ESRRG: variants seen among roughly 807,000 people sequenced by gnomAD.
The protein encoded by ESRRG is estrogen related receptor gamma, also known as estrogen-related receptor gamma.
In ESRRG, 13 loss-of-function variants were observed where a neutral mutation model predicts 44.0. The ratio of observed to expected loss-of-function variants is 0.30; its 90% CI spans 0.19 to 0.47. The LOEUF (loss-of-function observed/expected upper bound fraction) is 0.47. ESRRG is among the 20% of genes least tolerant of loss of function. ESRRG has a pLI of 1.00. For missense variants in ESRRG, 395 were observed against 580.6 expected (o/e 0.68, Z 3.29); for synonymous variants, 215 against 214.6 (o/e 1.00, Z -0.02).
intron 2 of ESRRG, among the ~76,000 whole-genome samples, chr1:216,839,557 T>TA (rs2095618647): frequency 3.3e-5 from 5 of 152,368 alleles, no homozygotes; most frequent in Admixed American, 2.6e-4. Flanking sequence ...TATAGCATTA[T>TA]AAAAGGCATT....
intron 5 of ESRRG, among the ~76,000 whole-genome samples, chr1:216,533,154 GTA>G (rs1281589216): frequency 6.6e-6 from 1 of 151,984 alleles, no homozygotes; most frequent in East Asian, 1.9e-4. Context: ...ACATCCATGT[GTA>G]TAAATACTAA....
chr1:217,069,372 C>A (rs1294159235), intron 1 of ESRRG, among the ~76,000 whole-genome samples: 1 of 151,232 alleles, frequency 6.6e-6, no homozygotes, highest in Non-Finnish European at 1.5e-5. Context: ...AGTAAACTAC[C>A]CTTTGTATAT....
At chr1:216,578,078 C>T (rs2062021783) in intron 3 of ESRRG, among the ~76,000 whole-genome samples, 2 of 151,542 alleles carry the variant, frequency 1.3e-5, no homozygotes, top group East Asian at 1.9e-4. Flanking sequence ...TATAACTTGG[C>T]AAAGTTGAAA....
At chr1:216,669,568 C>A (rs1216668274) in intron 2 of ESRRG, among the ~76,000 whole-genome samples, 1 of 152,202 alleles carries the variant, frequency 6.6e-6, no homozygotes, top group Non-Finnish European at 1.5e-5. Context: ...GTGGAAAAGT[C>A]AAACTTACAA....
rs547936608 is a variant in ESRRG, at chr1:216,801,405, C to T, written c.-13-123914G>A. Among the ~76,000 whole-genome samples, 4 of 152,214 alleles carry T rather than the reference C, an allele frequency of 2.6e-5. No individual in the cohort carries two copies. The East Asian group carries it at 7.7e-4, about 29-fold the overall frequency. On this transcript the variant is annotated intron_variant, in intron 2 of 7. Transcript: ENST00000359162. ...TTTGTATCCTGTGACCTACTACTAC[C>T]TACCCCATTTCCGACAACCCCCTGC...
rs561611557 is a variant in ESRRG, at chr1:216,550,596, C to A, written c.862+13623G>T. The stretch of plus-strand genomic sequence containing the variant: ...AAGAGGATAACAAGCCAAGTATGGA[C>A]GCAACATGGAGCCCACACCTCTGAA... On this transcript the variant is annotated intron_variant, in intron 5 of 6. Coordinates refer to ENST00000408911, the MANE Select transcript of ESRRG (RefSeq NM_001438.4). 1.7e-4 allele frequency among the ~76,000 whole-genome samples: 26 copies of A among 152,118 alleles called. No individual in the cohort carries two copies. The South Asian group carries it at 5.4e-3, about 32-fold the overall frequency.
At chr1:216,964,738 G>C (rs1271143869) in intron 1 of ESRRG, among the ~76,000 whole-genome samples, 5 of 142,022 alleles carry the variant, frequency 3.5e-5, no homozygotes, top group African/African-American at 1.4e-4. Context: ...TATAAAAGGA[G>C]AAGAGAAGGA....
chr1:216,534,429 G>A (rs919030067), intron 5 of ESRRG, among the ~76,000 whole-genome samples: 1 of 152,120 alleles, frequency 6.6e-6, no homozygotes, highest in African/African-American at 2.4e-5. Context: ...CACTAACACA[G>A]CAATCCAAAA....
chr1:216,782,148 C>A (rs556327730), intron 2 of ESRRG, among the ~76,000 whole-genome samples: 1 of 152,204 alleles, frequency 6.6e-6, no homozygotes, highest in South Asian at 2.1e-4. Context: ...GAGTAACTAG[C>A]TACAGACCAA....
At chr1:216,610,543 C>T (rs1194343109) in intron 3 of ESRRG, among the ~76,000 whole-genome samples, 3 of 151,982 alleles carry the variant, frequency 2.0e-5, no homozygotes, top group Non-Finnish European at 2.9e-5. Context: ...AAACAAGTTG[C>T]CTAAAGCACT....
intron 5 of ESRRG, among the ~76,000 whole-genome samples, chr1:216,560,679 C>A (rs1387050818): frequency 6.6e-6 from 1 of 152,144 alleles, no homozygotes; most frequent in Non-Finnish European, 1.5e-5. Context: ...GACAGAGCCT[C>A]CATTACTTGG....
intron 1 of ESRRG, among the ~76,000 whole-genome samples, chr1:217,039,986 C>A (rs543720793): frequency 1.3e-5 from 2 of 152,144 alleles, no homozygotes; most frequent in East Asian, 3.9e-4. Context: ...AGATAAACAC[C>A]CCTCTCCTAC....
At chr1:217,028,657 A>G (rs1280094153) in intron 1 of ESRRG, among the ~76,000 whole-genome samples, 1 of 152,194 alleles carries the variant, frequency 6.6e-6, no homozygotes, top group Non-Finnish European at 1.5e-5. Context: ...GACAAAATAA[A>G]ATTGGCAAAG....
At chr1:216,804,493 A>G (rs1052557751) in intron 2 of ESRRG, among the ~76,000 whole-genome samples, 2 of 152,078 alleles carry the variant, frequency 1.3e-5, no homozygotes, top group Admixed American at 1.3e-4. Context: ...TTCATCATTT[A>G]CCTTCCGAAT....
chr1:216,558,029 A>C (rs962689182), intron 5 of ESRRG, among the ~76,000 whole-genome samples: 3 of 152,174 alleles, frequency 2.0e-5, no homozygotes, highest in African/African-American at 7.2e-5. Context: ...CAGGATATTT[A>C]GTATGATGAC....
At chr1:216,874,570 A>G (rs369846240) in intron 2 of ESRRG, among the ~76,000 whole-genome samples, 3 of 152,174 alleles carry the variant, frequency 2.0e-5, no homozygotes, top group African/African-American at 7.2e-5. Flanking sequence ...CAGTAACTTG[A>G]CCTTAAAGGT....
At chr1:216,628,137 A>G (rs1455712474) in intron 3 of ESRRG, among the ~76,000 whole-genome samples, 2 of 152,222 alleles carry the variant, frequency 1.3e-5, no homozygotes, top group African/African-American at 2.4e-5. Context: ...AAAGTATCTT[A>G]GAGTCTAGAG....
At chr1:216,515,906 A>G (rs535880990) in intron 6 of ESRRG, among the ~76,000 whole-genome samples, 1 of 152,184 alleles carries the variant, frequency 6.6e-6, no homozygotes, top group East Asian at 1.9e-4. Context: ...AGAGAAATAA[A>G]TCCTATCATA....
intron 2 of ESRRG, among the ~76,000 whole-genome samples, chr1:216,859,920 G>GA (rs796969333): frequency 8.5e-5 from 13 of 152,188 alleles, no homozygotes; most frequent in African/African-American, 2.9e-4. Flanking sequence ...AAGTGAGAAG[G>GA]AAAAAACCAA....
Sources: gnomAD v4.1 joint callset for allele counts (sites outside exome capture counted in the v4.1 genomes callset) on GRCh38, gnomAD v4.1.1 for gene constraint, MANE v1.5 for transcripts, NCBI Gene and HGNC (gene_info 2026-07-23, HGNC 2026-07-21) for gene names.